Variants in GALNTL6 observed in about 807,000 individuals in gnomAD.
GALNTL6 encodes polypeptide N-acetylgalactosaminyltransferase-like 6.
GALNTL6 carries 46 observed loss-of-function variants against 73.7 expected under a neutral mutation model. That is an observed-to-expected ratio of 0.62 (90% confidence interval 0.49 to 0.80). The LOEUF is 0.80. Ranked by LOEUF, GALNTL6 falls within the 30% of genes least tolerant of loss-of-function variation. The probability of loss-of-function intolerance (pLI) is 0.00; values close to 1 mark genes in which losing one functional copy is unlikely to be tolerated. For synonymous variants in GALNTL6, 259 were observed against 263.7 expected (o/e 0.98, Z 0.17); for missense variants, 604 against 755.0 (o/e 0.80, Z 2.34).
chr4:172,447,660 A>C (rs1240988605), intron 5 of GALNTL6, among the ~76,000 whole-genome samples: 2 of 152,198 alleles, frequency 1.3e-5, no homozygotes, highest in African/African-American at 4.8e-5. Context: ...AGTTCAGTGA[A>C]AATGGCCCTA....
intron 2 of GALNTL6, among the ~76,000 whole-genome samples, chr4:172,059,792 T>A (rs910486090): frequency 5.3e-5 from 8 of 152,344 alleles, no homozygotes; most frequent in Middle Eastern, 3.4e-3. Context: ...CACTAGTAAG[T>A]GGTAGAAGTG....
At chr4:172,515,820 C>G (rs1007658161) in intron 5 of GALNTL6, among the ~76,000 whole-genome samples, 1 of 152,158 alleles carries the variant, frequency 6.6e-6, no homozygotes, top group African/African-American at 2.4e-5. Context: ...TTTAGGGCCT[C>G]AGTTCTGAAG....
At chr4:172,781,909 C>T (rs933387738) in intron 5 of GALNTL6, among the ~76,000 whole-genome samples, 2 of 150,828 alleles carry the variant, frequency 1.3e-5, no homozygotes, top group African/African-American at 2.4e-5. Flanking sequence ...CAAATTTATA[C>T]ATTGAAACAT....
chr4:172,582,331 C>T (rs1239871474), intron 5 of GALNTL6, among the ~76,000 whole-genome samples: 1 of 152,186 alleles, frequency 6.6e-6, no homozygotes, highest in Non-Finnish European at 1.5e-5. Flanking sequence ...GTTTCTCCAT[C>T]TGTAAAATGG....
chr4:172,273,293 G>T (rs184482117), intron 3 of GALNTL6, among the ~76,000 whole-genome samples: 18 of 152,264 alleles, frequency 1.2e-4, no homozygotes, highest in African/African-American at 4.3e-4. Flanking sequence ...AATAGTGTGT[G>T]CATCGTGCAT....
At chr4:172,761,430 C>T (rs749712346) in intron 5 of GALNTL6, among the ~76,000 whole-genome samples, 11 of 152,146 alleles carry the variant, frequency 7.2e-5, no homozygotes, top group Non-Finnish European at 1.6e-4. Flanking sequence ...GGATAAGCTA[C>T]TAGAGAAGAC....
At chr4:171,815,096 T>C in intron 2 of GALNTL6, 1 of 325,650 alleles carries the variant, frequency 3.1e-6, no homozygotes, top group Non-Finnish European at 5.5e-6. Flanking sequence ...TTGGCATGCA[T>C]GTCTATGTTC....
chr4:172,632,017 G>A (rs1739417144), intron 5 of GALNTL6, among the ~76,000 whole-genome samples: 1 of 152,206 alleles, frequency 6.6e-6, no homozygotes, highest in Non-Finnish European at 1.5e-5. Context: ...CCCTTCACAA[G>A]CTCTCTTGCC....
intron 5 of GALNTL6, among the ~76,000 whole-genome samples, chr4:172,544,228 T>C (rs940624043): frequency 2.6e-5 from 4 of 151,892 alleles, no homozygotes; most frequent in African/African-American, 9.7e-5. Flanking sequence ...CATTTCCATG[T>C]CTCCTTGCCT....
chr4:172,291,417 T>A (rs1376701121), intron 3 of GALNTL6, among the ~76,000 whole-genome samples: 1 of 152,112 alleles, frequency 6.6e-6, no homozygotes, highest in Non-Finnish European at 1.5e-5. Flanking sequence ...CCATTTCACA[T>A]CAATATTTTG....
intron 5 of GALNTL6, among the ~76,000 whole-genome samples, chr4:172,715,780 A>T (rs1207307446): frequency 6.6e-6 from 1 of 152,158 alleles, no homozygotes; most frequent in Non-Finnish European, 1.5e-5. Context: ...ATTTTCAGTG[A>T]CATTTTTGGA....
chr4:172,276,961 G>C lies in GALNTL6; in HGVS notation c.248-34653G>C, dbSNP rs140193371. Among the ~76,000 whole-genome samples the C allele has an allele frequency of 1.8e-3, 271 of 152,056 alleles. 2 individuals carry two copies. The highest frequency in any genetic ancestry group is 6.0e-3 in the African/African-American group (251 of 41,496). On this transcript the variant is annotated intron_variant, in intron 3 of 12. Transcript: ENST00000506823. ...AGCCTCATCTTAATTGAGTTCAGCTGGGTTTGATAGTTTTGACCATTATAT... is the reference window on the plus strand; with the variant it reads ...AGCCTCATCTTAATTGAGTTCAGCTCGGTTTGATAGTTTTGACCATTATAT...
intron 2 of GALNTL6, among the ~76,000 whole-genome samples, chr4:172,157,960 T>C: frequency 6.6e-6 from 1 of 152,208 alleles, no homozygotes; most frequent in East Asian, 1.9e-4. Context: ...AAATGATTCA[T>C]GTTGCGTCCC....
In GALNTL6 at chr4:172,218,409, TGC is replaced by T. The variant is rs142154884; in HGVS notation, c.139-11246_139-11245del. 9.5e-3 allele frequency among the ~76,000 whole-genome samples: 1,445 copies of T among 152,250 alleles called. 29 individuals are homozygous for T. Among genetic ancestry groups the T allele is most frequent in the African/African-American group, 0.033 (1,380 of 41,570 alleles). On this transcript the variant is annotated intron_variant, in intron 2 of 12. Coordinates refer to ENST00000506823, the MANE Select transcript of GALNTL6 (RefSeq NM_001034845.3). ...GGATTTTCTTCATGATGACCTGGTA[TGC>T]TTAGTGTACAATGGGGGCTCCCTAA... is the stretch of plus-strand genomic sequence containing the variant.
chr4:171,995,901 GT>G (rs1255011401), intron 2 of GALNTL6, among the ~76,000 whole-genome samples: 1 of 152,002 alleles, frequency 6.6e-6, no homozygotes, highest in East Asian at 1.9e-4. Context: ...TCTGACAAAA[GT>G]TGATAATATA....
intron 5 of GALNTL6, among the ~76,000 whole-genome samples, chr4:172,741,658 T>C (rs887019661): frequency 3.9e-5 from 6 of 151,950 alleles, no homozygotes; most frequent in African/African-American, 7.3e-5. Context: ...ATTTATTATA[T>C]AGAAGAATAT....
intron 11 of GALNTL6, among the ~76,000 whole-genome samples, chr4:173,011,787 G>A (rs1579779476): frequency 1.3e-5 from 2 of 152,330 alleles, no homozygotes; most frequent in Admixed American, 1.3e-4. Flanking sequence ...TAAGTGAGAT[G>A]TGATTTCTAA....
At chr4:172,824,346 T>C (rs1742111769) in intron 7 of GALNTL6, among the ~76,000 whole-genome samples, 1 of 151,280 alleles carries the variant, frequency 6.6e-6, no homozygotes, top group Non-Finnish European at 1.5e-5. Flanking sequence ...AGTCAGAACC[T>C]GACTTCCATG....
intron 5 of GALNTL6, among the ~76,000 whole-genome samples, chr4:172,388,181 T>C (rs1377257718): frequency 6.6e-6 from 1 of 152,152 alleles, no homozygotes; most frequent in Non-Finnish European, 1.5e-5. Flanking sequence ...CAGTTTTGCT[T>C]ATTCCAGAGC....
Sources: gnomAD v4.1 joint callset for allele counts (sites outside exome capture counted in the v4.1 genomes callset) on GRCh38, gnomAD v4.1.1 for gene constraint, MANE v1.5 for transcripts, NCBI Gene and HGNC (gene_info 2026-07-23, HGNC 2026-07-21) for gene names.